The following CDH13 variants were observed in gnomAD, a reference collection of about 807,000 sequenced individuals.
The protein encoded by CDH13 is cadherin 13, also known as cadherin-13.
Under a neutral mutation model 63.8 loss-of-function variants are expected in CDH13, and 24 were observed. The observed-to-expected ratio is 0.38, with a 90% CI of 0.27 to 0.53. The LOEUF is 0.53. CDH13 is among the 20% of genes least tolerant of loss of function. CDH13 has a pLI of 0.85. For missense variants in CDH13, 1,049 were observed against 903.1 expected, an observed-to-expected ratio of 1.16 and a Z score of -2.07; for synonymous variants, 503 against 355.3, an observed-to-expected ratio of 1.42 and a Z score of -4.67.
intron 1 of CDH13, among the ~76,000 whole-genome samples, chr16:82,680,524 C>T (rs1470583344): frequency 2.0e-5 from 3 of 152,054 alleles, no homozygotes; most frequent in Non-Finnish European, 4.4e-5. Context: ...CAGATTATTT[C>T]TGCGCTCCAA....
chr16:83,701,404 G>A (rs1362320392), intron 10 of CDH13, among the ~76,000 whole-genome samples: 3 of 152,118 alleles, frequency 2.0e-5, no homozygotes, highest in East Asian at 1.9e-4. Context: ...CGGTCCACAC[G>A]TATCCATGCG....
intron 1 of CDH13, among the ~76,000 whole-genome samples, chr16:82,745,436 C>T: frequency 6.6e-6 from 1 of 152,122 alleles, no homozygotes; most frequent in South Asian, 2.1e-4. Context: ...AACCCCGTCT[C>T]TACTAAAAAT....
In CDH13 at chr16:83,592,524, T is replaced by C. The variant is rs546601487; in HGVS notation, c.961-9930T>C. On this transcript the variant is annotated intron_variant, in intron 7 of 13. Coordinates refer to ENST00000567109, the MANE Select transcript of CDH13 (RefSeq NM_001257.5). ...TTTTCCAGGGGTTCTAGGAACGCCA[T>C]TGGCAGTTTATTTACTGTAACTCAT... Among the ~76,000 whole-genome samples the C allele has an allele frequency of 3.9e-5, 6 of 152,310 alleles. No individual in the cohort carries two copies. In the South Asian group the frequency reaches 1.0e-3, roughly 26 times the overall value.
chr16:82,800,773 T>C (rs1768705117), intron 1 of CDH13, among the ~76,000 whole-genome samples: 1 of 152,240 alleles, frequency 6.6e-6, no homozygotes, highest in South Asian at 2.1e-4. Context: ...GATCCTGTGC[T>C]AATTAAAATT....
intron 1 of CDH13, among the ~76,000 whole-genome samples, chr16:82,846,835 A>G (rs1025522072): frequency 9.2e-5 from 14 of 152,228 alleles, no homozygotes; most frequent in African/African-American, 3.4e-4. Context: ...ATGCTGTCAT[A>G]ATGGCAGATC....
chr16:82,897,661 C>T (rs1274866055), intron 2 of CDH13, among the ~76,000 whole-genome samples: 1 of 152,218 alleles, frequency 6.6e-6, no homozygotes, highest in African/African-American at 2.4e-5. Context: ...CACTTAAAGC[C>T]CATACCCTTA....
chr16:83,602,794 C>T (rs144604792), intron 8 of CDH13, among the ~76,000 whole-genome samples, 200 bp downstream of exon 8: 19 of 152,286 alleles, frequency 1.2e-4, no homozygotes, highest in African/African-American at 4.1e-4. Context: ...AATACTAGAG[C>T]ACGGTGAGAA....
At chr16:82,803,888 T>G (rs1425548529) in intron 1 of CDH13, among the ~76,000 whole-genome samples, 1 of 152,172 alleles carries the variant, frequency 6.6e-6, no homozygotes, top group African/African-American at 2.4e-5. Flanking sequence ...AGAGATGTTT[T>G]GTACAACTTA....
At chr16:82,936,832 G>C (rs185688893) in intron 2 of CDH13, among the ~76,000 whole-genome samples, 1 of 121,934 alleles carries the variant, frequency 8.2e-6, no homozygotes, top group African/African-American at 5.3e-5. Flanking sequence ...GGTGGGGAGT[G>C]GGGGAGGTAC....
chr16:83,377,313 A>G (rs1262426042), intron 6 of CDH13, among the ~76,000 whole-genome samples: 1 of 152,140 alleles, frequency 6.6e-6, no homozygotes, highest in Admixed American at 6.5e-5. Flanking sequence ...AAAAGGTTAA[A>G]CCACACATCT....
At chr16:83,040,645 G>T (rs1008674890) in intron 3 of CDH13, among the ~76,000 whole-genome samples, 5 of 152,240 alleles carry the variant, frequency 3.3e-5, no homozygotes, top group East Asian at 1.9e-4. Context: ...CTGAGGGTGG[G>T]TCTGCCTCTC....
At chr16:82,991,784 A>G (rs892175938) in intron 2 of CDH13, among the ~76,000 whole-genome samples, 4 of 152,202 alleles carry the variant, frequency 2.6e-5, no homozygotes, top group African/African-American at 4.8e-5. Context: ...TAGAAGTTTG[A>G]GCACAGCTGA....
intron 6 of CDH13, among the ~76,000 whole-genome samples, chr16:83,386,569 C>A (rs1261940683): frequency 6.6e-6 from 1 of 152,182 alleles, no homozygotes; most frequent in Non-Finnish European, 1.5e-5. Context: ...ATTACCCACC[C>A]TACTTGAGGA....
At chr16:83,476,290 C>T (rs188905049) in intron 6 of CDH13, among the ~76,000 whole-genome samples, 1 of 152,224 alleles carries the variant, frequency 6.6e-6, no homozygotes, top group Admixed American at 6.5e-5. Flanking sequence ...AAAAGTATCC[C>T]CAGGCATTGC....
At chr16:82,849,826 G>T (rs1283675664) in intron 1 of CDH13, among the ~76,000 whole-genome samples, 1 of 152,172 alleles carries the variant, frequency 6.6e-6, no homozygotes, top group East Asian at 1.9e-4. Flanking sequence ...CTCTGCGTGT[G>T]CTCTACAAAA....
intron 1 of CDH13, among the ~76,000 whole-genome samples, chr16:82,632,052 A>C (rs990571940): frequency 1.3e-5 from 2 of 152,178 alleles, no homozygotes; most frequent in African/African-American, 4.8e-5. Flanking sequence ...CCAGGTTTCT[A>C]GCATTTCTGA....
intron 2 of CDH13, among the ~76,000 whole-genome samples, chr16:82,878,342 A>T (rs2151199513): frequency 6.6e-6 from 1 of 151,972 alleles, no homozygotes. Context: ...TAAAGTCTTT[A>T]GACTAAATGT....
chr16:83,409,186 C>T (rs1439396687), intron 6 of CDH13, among the ~76,000 whole-genome samples: 1 of 152,068 alleles, frequency 6.6e-6, no homozygotes, highest in Non-Finnish European at 1.5e-5. Context: ...ACTGGAGCAT[C>T]GTCCCACCAG....
At chr16:82,962,616 T>C (rs1211496855) in intron 2 of CDH13, among the ~76,000 whole-genome samples, 1 of 152,114 alleles carries the variant, frequency 6.6e-6, no homozygotes, top group East Asian at 1.9e-4. Flanking sequence ...GAAGAGAATC[T>C]GACAAAGATG....
Sources: gnomAD v4.1 joint callset for allele counts (sites outside exome capture counted in the v4.1 genomes callset) on GRCh38, gnomAD v4.1.1 for gene constraint, MANE v1.5 for transcripts, NCBI Gene and HGNC (gene_info 2026-07-23, HGNC 2026-07-21) for gene names.